Variants in HIVEP2 observed in about 807,000 individuals in gnomAD.
HIVEP2 encodes HIVEP zinc finger 2.
A neutral mutation model predicts 180.7 loss-of-function variants in HIVEP2; 14 were observed. The ratio of observed to expected loss-of-function variants is 0.08; its 90% CI spans 0.05 to 0.12. The LOEUF is 0.12. HIVEP2 is among the 10% of genes least tolerant of loss of function. The probability of loss-of-function intolerance (pLI) is 1.00; values close to 1 mark genes in which losing one functional copy is unlikely to be tolerated. For synonymous variants in HIVEP2, 1,184 were observed against 1,136.4 expected, an observed-to-expected ratio of 1.04 and a Z score of -0.84; for missense variants, 2,579 against 3,008.5, an observed-to-expected ratio of 0.86 and a Z score of 3.34.
chr6:142,787,452 A>G (rs1283709741), intron 2 of HIVEP2, among the ~76,000 whole-genome samples: 1 of 152,102 alleles, frequency 6.6e-6, no homozygotes, highest in Non-Finnish European at 1.5e-5. Context: ...GGGAATAGAA[A>G]AGATTCAAAA....
In HIVEP2 at chr6:142,768,662, A is replaced by T. The variant is rs1193574418; in HGVS notation, c.5188-126T>A. Reference sequence around the variant, plus strand: ...TGTACTAAAAGGCCAGGAACTAGTTATATAAAATAAGGACCACTAGGGATA... The same window carrying T: ...TGTACTAAAAGGCCAGGAACTAGTTTTATAAAATAAGGACCACTAGGGATA... On this transcript the variant is annotated intron_variant, in intron 5 of 9. Transcript: ENST00000367603. 1.3e-5 allele frequency: 11 copies of T among 831,854 alleles called. 1 individual carries two copies. In the Admixed American group the frequency reaches 3.2e-4, roughly 24 times the overall value. The allele number at this position is 831,854 out of a possible 1,614,324, so 51.5% of individuals were successfully genotyped here.
At chr6:142,831,173 AG>A (rs545546337) in intron 2 of HIVEP2, among the ~76,000 whole-genome samples, 153 of 152,326 alleles carry the variant, frequency 1.0e-3, no homozygotes, top group African/African-American at 3.4e-3. Flanking sequence ...CGCAGCCACA[AG>A]GGCACCATGA....
intron 2 of HIVEP2, among the ~76,000 whole-genome samples, chr6:142,818,405 G>C (rs939485396): frequency 6.6e-6 from 1 of 152,072 alleles, no homozygotes; most frequent in African/African-American, 2.4e-5. Context: ...AGCCGGGCAC[G>C]GTGGCTCACG....
chr6:142,896,953 G>T (rs959948155), intron 1 of HIVEP2, among the ~76,000 whole-genome samples: 1 of 152,114 alleles, frequency 6.6e-6, no homozygotes, highest in African/African-American at 2.4e-5. Flanking sequence ...CTTTCTTGAG[G>T]TACAGAGTAT....
chr6:142,896,435 G>A (rs990409145), intron 1 of HIVEP2, among the ~76,000 whole-genome samples: 2 of 151,998 alleles, frequency 1.3e-5, no homozygotes, highest in African/African-American at 4.8e-5. Context: ...TGGTTTTTCG[G>A]TCCCTATGTA....
intron 1 of HIVEP2, among the ~76,000 whole-genome samples, chr6:142,873,523 T>G (rs1246595799): frequency 6.6e-6 from 1 of 152,200 alleles, no homozygotes; most frequent in African/African-American, 2.4e-5. Flanking sequence ...TAAAAAATCA[T>G]TGTAAGTATA....
At chr6:142,798,078 T>A (rs530375219) in intron 2 of HIVEP2, among the ~76,000 whole-genome samples, 1 of 152,126 alleles carries the variant, frequency 6.6e-6, no homozygotes, top group Non-Finnish European at 1.5e-5. Context: ...TTCTCTCTTA[T>A]GGTGGTGAGG....
chr6:142,921,390 C>A (rs889568934), intron 1 of HIVEP2, among the ~76,000 whole-genome samples: 14 of 152,168 alleles, frequency 9.2e-5, no homozygotes, highest in African/African-American at 2.9e-4. Flanking sequence ...CAAAAATTAG[C>A]CAGGCGTGGT....
intron 1 of HIVEP2, among the ~76,000 whole-genome samples, chr6:142,904,352 G>T (rs1777209938): frequency 6.6e-6 from 1 of 152,142 alleles, no homozygotes; most frequent in Admixed American, 6.5e-5. Context: ...CAATGCTAGA[G>T]TAAAAAGGTT....
chr6:142,840,462 CA>C (rs944279314), intron 1 of HIVEP2, among the ~76,000 whole-genome samples: 62 of 151,984 alleles, frequency 4.1e-4, no homozygotes, highest in African/African-American at 1.4e-3. Context: ...TCCCATTACC[CA>C]AACACAATCT....
rs1035698425 is a variant in HIVEP2, at chr6:142,943,671, A to G, written c.-641+1428T>C. 3.3e-5 allele frequency among the ~76,000 whole-genome samples: 5 copies of G among 152,190 alleles called. No homozygotes were observed. The highest frequency in any genetic ancestry group is 7.3e-5 in the Non-Finnish European group (5 of 68,030). On this transcript the variant is annotated intron_variant, in intron 1 of 9. Transcript: ENST00000367603. This position sits in a 1 kb window ranked among gnomAD's most constrained non-coding sequence, Gnocchi z 4.5. The stretch of plus-strand genomic sequence containing the variant: ...GGAGGTAAATTGAGTTATTTTTAAA[A>G]TGGCAGAAAAGGAAGGAGAAAAATC...
At chr6:142,804,375 C>T (rs1199501518) in intron 2 of HIVEP2, among the ~76,000 whole-genome samples, 1 of 152,114 alleles carries the variant, frequency 6.6e-6, no homozygotes, top group Non-Finnish European at 1.5e-5. Flanking sequence ...CCTGATCTGG[C>T]TTGACACCAT....
chr6:142,759,958 A>G lies in HIVEP2; in HGVS notation c.6330T>C (p.His2110=), dbSNP rs201681801. ...MSQRDVSPRR[H]LSPRRPVSPG... is the part of the protein sequence containing the mutation. ...GAGACACTGGCCTCCTTGGAGACAAATGCCTTCTTGGTGAAACATCTCTTT... is the reference window on the plus strand; with the variant it reads ...GAGACACTGGCCTCCTTGGAGACAAGTGCCTTCTTGGTGAAACATCTCTTT... The change falls in exon 9 of 10, where the codon CAT becomes CAC. Residue 2110 remains histidine, a synonymous_variant. Transcript: ENST00000367603. 14 of 1,613,886 alleles carry G rather than the reference A, an allele frequency of 8.7e-6. No individual in the cohort carries two copies. The Admixed American group carries it at 1.0e-4, about 12-fold the overall frequency.
At chr6:142,801,052 G>A (rs1020920532) in intron 2 of HIVEP2, among the ~76,000 whole-genome samples, 2 of 151,900 alleles carry the variant, frequency 1.3e-5, no homozygotes, top group African/African-American at 4.8e-5. Flanking sequence ...GACTGAGCCT[G>A]CACAAGGAAA....
At chr6:142,884,980 T>C (rs537331097) in intron 1 of HIVEP2, among the ~76,000 whole-genome samples, 9 of 152,140 alleles carry the variant, frequency 5.9e-5, no homozygotes, top group Non-Finnish European at 1.0e-4. Flanking sequence ...CCCAAGCATA[T>C]AGAGATTAAA....
chr6:142,798,607 C>T (rs1046711774), intron 2 of HIVEP2, among the ~76,000 whole-genome samples: 3 of 152,114 alleles, frequency 2.0e-5, no homozygotes, highest in African/African-American at 7.2e-5. Context: ...AGTTTTCTGC[C>T]TAACCTACCC....
chr6:142,780,526 A>G (rs126343), intron 3 of HIVEP2, among the ~76,000 whole-genome samples: 123,308 of 152,170 alleles, frequency 0.81, 50,697 homozygotes, highest in African/African-American at 0.93. Context: ...GAGACATATA[A>G]AGAAAGGTAG....
chr6:142,910,219 C>T (rs1426144456), intron 1 of HIVEP2, among the ~76,000 whole-genome samples: 1 of 152,204 alleles, frequency 6.6e-6, no homozygotes, highest in African/African-American at 2.4e-5. Flanking sequence ...ATTTCTATTA[C>T]CCAACTGACC....
intron 1 of HIVEP2, among the ~76,000 whole-genome samples, chr6:142,898,910 T>G (rs1171030981): frequency 6.6e-6 from 1 of 152,214 alleles, no homozygotes; most frequent in African/African-American, 2.4e-5. Context: ...CAGGCTTTCA[T>G]TGTTTTTTCG....
Sources: allele counts gnomAD v4.1 joint callset (sites outside exome capture counted in the v4.1 genomes callset), GRCh38; gene constraint gnomAD v4.1.1; non-coding constraint Gnocchi (gnomAD v3.1); transcripts MANE v1.5; gene names NCBI Gene and HGNC (gene_info 2026-07-23, HGNC 2026-07-21).